Variants in CD109 observed in about 807,000 individuals in gnomAD.
CD109 encodes CD109 antigen.
In CD109, 149 loss-of-function variants were observed where a neutral mutation model predicts 165.8. The observed-to-expected ratio is 0.90, with a 90% CI of 0.79 to 1.03. The LOEUF is 1.03. CD109 is among the 50% of genes least tolerant of loss of function. CD109 has a pLI of 0.00. For synonymous variants in CD109, 585 were observed against 592.1 expected (o/e 0.99, Z 0.18); for missense variants, 1,712 against 1,677.8 (o/e 1.02, Z -0.36).
chr6:73,766,091 C>G lies in CD109; in HGVS notation c.1269C>G (p.Pro423=), dbSNP rs1773833647. ...EAVQKINYTV[P]QSGTFKIEFP... ...TTCAGAAAATAAATTATACTGTCCC[C>G]CAAAGTGGAACTTTTAAGATTGAAT... Residue 423 remains proline, a synonymous_variant, in exon 11 of 33, where the codon CCC becomes CCG. Transcript: ENST00000287097. 6.2e-7 allele frequency: 1 copy of G among 1,613,988 alleles called. No homozygotes were observed. The highest frequency in any genetic ancestry group is 1.3e-5 in the African/African-American group (1 of 74,912).
chr6:73,765,537 G>A (rs1562054238), intron 10 of CD109, among the ~76,000 whole-genome samples: 1 of 152,102 alleles, frequency 6.6e-6, no homozygotes, highest in Non-Finnish European at 1.5e-5. Context: ...GGCAAGGATG[G>A]GAATTTTGGC....
At chr6:73,720,622 C>A (rs1239402014) in intron 2 of CD109, among the ~76,000 whole-genome samples, 1 of 151,910 alleles carries the variant, frequency 6.6e-6, no homozygotes, top group Non-Finnish European at 1.5e-5. Context: ...ATGTCGCATA[C>A]CATAAATATA....
chr6:73,714,156 T>C (rs1054122873), intron 2 of CD109, among the ~76,000 whole-genome samples: 2 of 152,212 alleles, frequency 1.3e-5, no homozygotes, highest in Non-Finnish European at 2.9e-5. Context: ...TGGGACATTG[T>C]GGTGGATGCT....
At chr6:73,684,321 A>G in the CD109 span, among the ~76,000 whole-genome samples, 105 of 150,102 alleles carry the variant, frequency 7.0e-4, no homozygotes, top group African/African-American at 2.4e-3. Context: ...TCAGGCTCAG[A>G]TGATCCTCCC....
intron 30 of CD109, among the ~76,000 whole-genome samples, chr6:73,815,435 A>G (rs963891260): frequency 2.0e-5 from 3 of 152,118 alleles, no homozygotes; most frequent in Admixed American, 6.5e-5. Context: ...TTAATACTTC[A>G]AAAATGGTTA....
intron 2 of CD109, among the ~76,000 whole-genome samples, chr6:73,697,916 C>T (rs937991080): frequency 1.3e-5 from 2 of 152,166 alleles, no homozygotes; most frequent in African/African-American, 4.8e-5. Flanking sequence ...GCTTACATCA[C>T]TACTGCTCAT....
At chr6:73,687,480 C>T in the CD109 span, among the ~76,000 whole-genome samples, 1 of 148,976 alleles carries the variant, frequency 6.7e-6, no homozygotes, top group African/African-American at 2.5e-5. Flanking sequence ...CTCCCCTCTC[C>T]TTCCCTCTCC....
At chr6:73,770,623 C>T (rs999836968) in intron 14 of CD109, among the ~76,000 whole-genome samples, 1 of 152,172 alleles carries the variant, frequency 6.6e-6, no homozygotes, top group African/African-American at 2.4e-5. Flanking sequence ...TGGTGGGCGC[C>T]TGTAATCCCA....
At chr6:73,806,773 T>C in intron 24 of CD109, 71 bp from the exon 25 acceptor site, 1 of 1,034,298 alleles carries the variant, frequency 9.7e-7, no homozygotes, top group South Asian at 1.6e-5. Context: ...TGTTGTTGTT[T>C]TGCTTGCTCG....
At chr6:73,785,237 G>A in intron 19 of CD109, 127 bp from the exon 20 acceptor site, 1 of 632,970 alleles carries the variant, frequency 1.6e-6, no homozygotes, top group Non-Finnish European at 2.8e-6. Flanking sequence ...GCTTTCTGTT[G>A]ATAGCAAGTT....
intron 2 of CD109, among the ~76,000 whole-genome samples, chr6:73,700,309 C>T (rs1771017117): frequency 6.6e-6 from 1 of 151,182 alleles, no homozygotes; most frequent in Admixed American, 6.6e-5. Context: ...TGGTCTTGAA[C>T]TCCTGGGCTC....
At chr6:73,752,037 C>G (rs1009481598) in intron 5 of CD109, among the ~76,000 whole-genome samples, 1 of 152,156 alleles carries the variant, frequency 6.6e-6, no homozygotes, top group African/African-American at 2.4e-5. Flanking sequence ...TTAACAAATT[C>G]AGTGCCTTTC....
At position 73,759,029 on chromosome 6, in the gene CD109, G is replaced by T; in HGVS notation, c.758+1G>T. ...ATTTAAATGGTACCATCACGGCAAA[G>T]TAAGTGTCATTTTTCTTTTGATATG... On this transcript the variant is annotated splice_donor_variant, in intron 7 of 32. Transcript: ENST00000287097. LOFTEE classifies it high-confidence loss of function. The T allele has an allele frequency of 6.4e-7, 1 of 1,567,748 alleles. No homozygotes were observed. Among genetic ancestry groups the T allele is most frequent in the Non-Finnish European group, 8.8e-7 (1 of 1,139,334 alleles).
intron 3 of CD109, among the ~76,000 whole-genome samples, chr6:73,727,232 C>T (rs138460182): frequency 6.6e-5 from 10 of 152,174 alleles, no homozygotes; most frequent in African/African-American, 2.4e-4. Flanking sequence ...CATGGAGCAC[C>T]GAGGTCTGCA....
intron 2 of CD109, among the ~76,000 whole-genome samples, chr6:73,712,911 A>G (rs1771590759): frequency 6.6e-6 from 1 of 152,234 alleles, no homozygotes; most frequent in Non-Finnish European, 1.5e-5. Flanking sequence ...AGTGATTTAA[A>G]AGAGTGCCAT....
chr6:73,799,591 C>G (rs1775292040), intron 23 of CD109, among the ~76,000 whole-genome samples: 1 of 152,128 alleles, frequency 6.6e-6, no homozygotes, highest in African/African-American at 2.4e-5. Context: ...AAAACAAGGA[C>G]AAGAGAGACA....
Position 73,788,601 on chromosome 6 carries a change from T to TC in CD109, c.2691dup (p.Thr898HisfsTer26), listed in dbSNP as rs1774790435. The TC allele has an allele frequency of 5.0e-6, 8 of 1,612,678 alleles. No individual in the cohort carries two copies. Among genetic ancestry groups the TC allele is most frequent in the Non-Finnish European group, 6.8e-6 (8 of 1,179,510 alleles). ...GTGACTGGCAGTGAAAGAGTTCAGATCACTGCAATTGGTAAGAATAGAGTA... is the reference window on the plus strand; with the variant it reads ...GTGACTGGCAGTGAAAGAGTTCAGATCCACTGCAATTGGTAAGAATAGAGTA... On this transcript the variant is annotated frameshift_variant, in exon 22 of 33. Transcript: ENST00000287097. LOFTEE classifies it high-confidence loss of function.
At chr6:73,707,962 T>TTATATATATA (rs200081535) in intron 2 of CD109, among the ~76,000 whole-genome samples, 13 of 126,784 alleles carry the variant, frequency 1.0e-4, no homozygotes, top group African/African-American at 2.6e-4. Context: ...ATTGTTATCT[T>TTATATATATA]TATATATATA....
chr6:73,795,670 A>G (rs1177941307), intron 23 of CD109, among the ~76,000 whole-genome samples: 1 of 152,204 alleles, frequency 6.6e-6, no homozygotes, highest in African/African-American at 2.4e-5. Context: ...GCCGAGCGCT[A>G]CAGCTGTAAG....
Sources: allele counts gnomAD v4.1 joint callset (sites outside exome capture counted in the v4.1 genomes callset), GRCh38; gene constraint gnomAD v4.1.1; transcripts MANE v1.5; gene names NCBI Gene and HGNC (gene_info 2026-07-23, HGNC 2026-07-21).